CDH7: variants seen among roughly 807,000 people sequenced by gnomAD.
The protein encoded by CDH7 is cadherin 7, also known as cadherin-7.
A neutral mutation model predicts 71.8 loss-of-function variants in CDH7; 25 were observed. The ratio of observed to expected loss-of-function variants is 0.35; its 90% CI spans 0.25 to 0.49. CDH7 has a LOEUF of 0.49. Ranked by LOEUF, CDH7 falls within the 20% of genes least tolerant of loss-of-function variation. CDH7 has a pLI of 0.99. For synonymous variants in CDH7, 381 were observed against 363.8 expected (o/e 1.05, Z -0.54); for missense variants, 862 against 974.6 (o/e 0.88, Z 1.54).
chr18:65,837,924 AT>A lies in CDH7; in HGVS notation c.982-5870del, dbSNP rs67650944. ...TATGTTTATTTAGAGATTTAGAGTA[AT>A]TTTTTTTTTTTTTTTTTGAGACGAT... is the stretch of plus-strand genomic sequence containing the variant. On this transcript the variant is annotated intron_variant, in intron 6 of 11. Transcript: ENST00000397968. Among the ~76,000 whole-genome samples the A allele has an allele frequency of 6.2e-3, 820 of 133,292 alleles. 6 individuals are homozygous for A. The highest frequency in any genetic ancestry group is 0.022 in the African/African-American group (762 of 35,128). 87.4% of individuals were successfully genotyped at this position (133,292 alleles called of 152,430 possible). A position where few individuals can be genotyped will look rare whatever the true frequency, so the allele number is the denominator to read the frequency against.
intron 1 of CDH7, among the ~76,000 whole-genome samples, chr18:65,760,051 T>C (rs1197279320): frequency 1.3e-5 from 2 of 152,182 alleles, no homozygotes; most frequent in Non-Finnish European, 2.9e-5. Flanking sequence ...GTCTAAAACA[T>C]TTGAATATAG....
At chr18:65,840,198 ATAAATT>A (rs1240294777) in intron 6 of CDH7, among the ~76,000 whole-genome samples, 1 of 152,182 alleles carries the variant, frequency 6.6e-6, no homozygotes, top group Admixed American at 6.5e-5. Flanking sequence ...CTTGATGACA[ATAAATT>A]TAAAGACTAT....
chr18:65,862,872 A>G lies in CDH7; in HGVS notation c.1819A>G (p.Thr607Ala). The G allele has an allele frequency of 1.2e-6, 2 of 1,614,186 alleles. No individual in the cohort carries two copies. Among genetic ancestry groups the G allele is most frequent in the South Asian group, 1.1e-5 (1 of 91,080 alleles). ...CTATGTCCTACCTGCTGGCCTCAGT[A>G]CAGGAGCCCTGATAGCCATACTCGC... ...EAYVLPAGLSTGALIAILACV... is the reference protein window; with the variant it reads ...EAYVLPAGLSAGALIAILACV... Residue 607 changes from threonine (T) to alanine (A), a missense_variant, in exon 11 of 12, where the codon ACA becomes GCA. Thr to Ala is a moderately conservative substitution (Grantham distance 58, BLOSUM62 0). Transcript: ENST00000397968.
At chr18:65,802,305 A>C (rs1911151824) in intron 2 of CDH7, among the ~76,000 whole-genome samples, 1 of 152,200 alleles carries the variant, frequency 6.6e-6, no homozygotes, top group Non-Finnish European at 1.5e-5. Flanking sequence ...TAAATTTCTT[A>C]GATGAAAAAA....
At chr18:65,799,599 C>G (rs141605707) in intron 2 of CDH7, among the ~76,000 whole-genome samples, 1,948 of 152,098 alleles carry the variant, frequency 0.013, 34 homozygotes, top group African/African-American at 0.045. Flanking sequence ...TGACGTGAAC[C>G]CAGGAGGCGG....
At chr18:65,808,007 C>T (rs1223826038) in intron 2 of CDH7, among the ~76,000 whole-genome samples, 1 of 152,160 alleles carries the variant, frequency 6.6e-6, no homozygotes, top group Non-Finnish European at 1.5e-5. Flanking sequence ...GACCAGCCTG[C>T]CAGCTTTTAT....
In CDH7 at chr18:65,880,454, T is replaced by C. The variant is rs1167388362; in HGVS notation, c.1918T>C (p.Phe640Leu). ...MRRRKKEPLI[F>L]DEERDIRENI... ...AAGACGGAAAAAAGAGCCCCTTATT[T>C]TTGACGAAGAAAGAGACATCAGAGA... is the stretch of plus-strand genomic sequence containing the variant. Residue 640 changes from phenylalanine (F) to leucine (L), a missense_variant, in exon 12 of 12, where the codon TTT becomes CTT. Phe to Leu is a conservative substitution (Grantham distance 22). Transcript: ENST00000397968. 82 of 1,577,492 alleles carry C rather than the reference T, an allele frequency of 5.2e-5. No homozygotes were observed. The highest frequency in any genetic ancestry group is 6.8e-5 in the Non-Finnish European group (80 of 1,167,992).
chr18:65,858,530 C>G (rs1417801709), intron 8 of CDH7, among the ~76,000 whole-genome samples: 2 of 151,622 alleles, frequency 1.3e-5, no homozygotes, highest in African/African-American at 4.8e-5. Context: ...TCATGGTTTA[C>G]CATTTATTCT....
At chr18:65,798,070 G>C (rs1443471969) in intron 2 of CDH7, among the ~76,000 whole-genome samples, 1 of 152,182 alleles carries the variant, frequency 6.6e-6, no homozygotes, top group Non-Finnish European at 1.5e-5. Context: ...AACTAAGGAG[G>C]AGGGCATGCA....
chr18:65,875,757 T>C (rs1219815463), intron 11 of CDH7, among the ~76,000 whole-genome samples: 1 of 151,940 alleles, frequency 6.6e-6, no homozygotes, highest in Non-Finnish European at 1.5e-5. Flanking sequence ...GGCAATATGG[T>C]GAAACCCTGT....
chr18:65,857,430 C>T (rs1345671840), intron 7 of CDH7, among the ~76,000 whole-genome samples: 1 of 151,088 alleles, frequency 6.6e-6, no homozygotes, highest in Non-Finnish European at 1.5e-5. Context: ...GTGAGAATCC[C>T]TTAAGCCCAG....
intron 11 of CDH7, among the ~76,000 whole-genome samples, chr18:65,870,169 T>A (rs1436034748): frequency 6.6e-6 from 1 of 152,196 alleles, no homozygotes; most frequent in Non-Finnish European, 1.5e-5. Context: ...AAAATTCAGT[T>A]AAATGTTATA....
At chr18:65,872,926 A>G (rs531145358) in intron 11 of CDH7, among the ~76,000 whole-genome samples, 1 of 151,932 alleles carries the variant, frequency 6.6e-6, no homozygotes, top group East Asian at 1.9e-4. Flanking sequence ...TAAAATGTCT[A>G]TAAAAATTTA....
At chr18:65,804,186 G>A (rs942676030) in intron 2 of CDH7, among the ~76,000 whole-genome samples, 1 of 151,716 alleles carries the variant, frequency 6.6e-6, no homozygotes, top group Non-Finnish European at 1.5e-5. Context: ...TTTTTCAAAG[G>A]CAAAGACATC....
At chr18:65,787,059 A>G (rs551606439) in intron 2 of CDH7, among the ~76,000 whole-genome samples, 2 of 152,190 alleles carry the variant, frequency 1.3e-5, no homozygotes, top group South Asian at 2.1e-4. Context: ...ACATATTTAT[A>G]TGTTTTCACC....
intron 7 of CDH7, among the ~76,000 whole-genome samples, chr18:65,857,001 C>T (rs1179838493): frequency 7.7e-6 from 1 of 130,002 alleles, no homozygotes; most frequent in East Asian, 2.4e-4. Flanking sequence ...CTGGTCAAGA[C>T]CACTGAGTAA....
chr18:65,843,827 G>A lies in CDH7; in HGVS notation c.997G>A (p.Ala333Thr). The A allele has an allele frequency of 6.6e-7, 1 of 1,517,540 alleles. No homozygotes were observed. The highest frequency in any genetic ancestry group is 1.3e-5 in the South Asian group (1 of 78,200). 94.0% of individuals were successfully genotyped at this position (1,517,540 alleles called of 1,614,324 possible). The change falls in exon 7 of 12, where the codon GCC becomes ACC. Residue 333 changes from alanine (A) to threonine (T), a missense_variant. Coordinates refer to ENST00000397968, the MANE Select transcript of CDH7 (RefSeq NM_004361.5). Reference sequence around the variant, plus strand: ...TTCTTTACAGGAGCTGGATTTTGAAGCCAAAACAAGTTACACGCTACGGAT... The same window carrying A: ...TTCTTTACAGGAGCTGGATTTTGAAACCAAAACAAGTTACACGCTACGGAT... ...ITIQKELDFE[A>T]KTSYTLRIEA...
chr18:65,771,476 C>T (rs1478733778), intron 2 of CDH7, among the ~76,000 whole-genome samples: 1 of 151,210 alleles, frequency 6.6e-6, no homozygotes, highest in Non-Finnish European at 1.5e-5. Flanking sequence ...CCCATCTCTA[C>T]TAAAAAAATA....
intron 2 of CDH7, among the ~76,000 whole-genome samples, chr18:65,787,460 AC>A (rs1910558187): frequency 6.6e-6 from 1 of 152,170 alleles, no homozygotes; most frequent in African/African-American, 2.4e-5. Context: ...GCGTTTACCT[AC>A]TAGCAGGAGG....
Sources: gnomAD v4.1 joint callset for allele counts (sites outside exome capture counted in the v4.1 genomes callset) on GRCh38, gnomAD v4.1.1 for gene constraint, MANE v1.5 for transcripts, NCBI Gene and HGNC (gene_info 2026-07-23, HGNC 2026-07-21) for gene names.